Variants in SMARCA5 observed in about 807,000 individuals in gnomAD.
SMARCA5 encodes SNF2 related chromatin remodeling ATPase 5, also known as SWI/SNF-related matrix-associated actin-dependent regulator of chromatin subfamily A member 5.
Under a neutral mutation model 140.4 loss-of-function variants are expected in SMARCA5, and 18 were observed. That is an observed-to-expected ratio of 0.13 (90% CI 0.09 to 0.19). The LOEUF is 0.19. SMARCA5 is among the 10% of genes least tolerant of loss of function. The pLI is 1.00. For synonymous variants in SMARCA5, 449 were observed against 419.6 expected (o/e 1.07, Z -0.86); for missense variants, 606 against 1,276.8 (o/e 0.47, Z 8.01).
At chr4:143,544,545 C>T (rs1342455871) in intron 16 of SMARCA5, among the ~76,000 whole-genome samples, 192 bp from the exon 17 acceptor site, 2 of 152,186 alleles carry the variant, frequency 1.3e-5, no homozygotes, top group African/African-American at 4.8e-5. Flanking sequence ...TGAATGCTTA[C>T]TCTGTTGACT....
At chr4:143,518,162 CA>C (rs1234071066) in intron 2 of SMARCA5, among the ~76,000 whole-genome samples, 1 of 152,002 alleles carries the variant, frequency 6.6e-6, no homozygotes, top group African/African-American at 2.4e-5. Flanking sequence ...GGGGTCTTTA[CA>C]AAAAGAACAT....
chr4:143,551,833 A>C (rs1254268332), intron 23 of SMARCA5, among the ~76,000 whole-genome samples: 1 of 152,166 alleles, frequency 6.6e-6, no homozygotes, highest in Non-Finnish European at 1.5e-5. Flanking sequence ...CTATAAGTTA[A>C]GTCAGGTAAT....
Position 143,555,306 on chromosome 4 carries a change from C to T in SMARCA5, c.*2122C>T, listed in dbSNP as rs1737724948. 1.2e-5 allele frequency: 9 copies of T among 763,526 alleles called. No individual in the cohort carries two copies. The South Asian group carries it at 1.2e-4, about 10-fold the overall frequency. The allele number at this position is 763,526 out of a possible 1,614,324, so 47.3% of individuals were successfully genotyped here. On this transcript the variant is annotated 3_prime_UTR_variant, in exon 24 of 24. Transcript: ENST00000283131. Reference sequence around the variant, plus strand: ...CCAAAATCATTGTAGCTTTTACCACCTCCAAAATTGCTTCAATCATTACCA... The same window carrying T: ...CCAAAATCATTGTAGCTTTTACCACTTCCAAAATTGCTTCAATCATTACCA...
At chr4:143,534,830 C>T (rs377029240) in intron 9 of SMARCA5, 25 bp from the exon 10 acceptor site, 2 of 1,524,084 alleles carry the variant, frequency 1.3e-6, no homozygotes, top group Non-Finnish European at 1.8e-6. Context: ...ATTGGTATTA[C>T]CTGTTTATTT....
rs77341671 is a variant in SMARCA5, at chr4:143,516,812, A to G, written c.178-543A>G. ...GTGACATATGAATGTCAGGATAAATATATTTGCAAGAATAACATTTATTAC... is the reference window on the plus strand; with the variant it reads ...GTGACATATGAATGTCAGGATAAATGTATTTGCAAGAATAACATTTATTAC... On this transcript the variant is annotated intron_variant, in intron 1 of 23. Coordinates refer to ENST00000283131, the MANE Select transcript of SMARCA5 (RefSeq NM_003601.4). 1.2e-4 allele frequency among the ~76,000 whole-genome samples: 19 copies of G among 152,316 alleles called. No individual in the cohort carries two copies. In the East Asian group the frequency reaches 2.7e-3, roughly 22 times the overall value.
chr4:143,549,242 A>G (rs1204913031), intron 22 of SMARCA5, among the ~76,000 whole-genome samples: 2 of 151,986 alleles, frequency 1.3e-5, no homozygotes, highest in Non-Finnish European at 2.9e-5. Flanking sequence ...TCTATATACT[A>G]TTTCTAAGTC....
intron 12 of SMARCA5, 30 bp from the exon 13 acceptor site, chr4:143,538,756 T>TA (rs754094284): frequency 6.2e-7 from 1 of 1,613,100 alleles, no homozygotes; most frequent in Admixed American, 1.7e-5. Context: ...TCAGATAAAT[T>TA]TTTTGACAAC....
rs370281307 is a variant in SMARCA5, at chr4:143,553,199, C to T, written c.*15C>T. 2.2e-5 allele frequency: 35 copies of T among 1,585,870 alleles called. 1 individual carries two copies. Among genetic ancestry groups the T allele is most frequent in the Non-Finnish European group, 2.9e-5 (34 of 1,154,714 alleles). ...TGAAACTATGAATATGTTTTTGTTTCATAATCACTAACTTTAAACCAGTAG... is the reference window on the plus strand; with the variant it reads ...TGAAACTATGAATATGTTTTTGTTTTATAATCACTAACTTTAAACCAGTAG... On this transcript the variant is annotated 3_prime_UTR_variant, in exon 24 of 24. Coordinates refer to ENST00000283131, the MANE Select transcript of SMARCA5 (RefSeq NM_003601.4).
chr4:143,530,936 G>A (rs192293793), intron 9 of SMARCA5, among the ~76,000 whole-genome samples: 2 of 152,078 alleles, frequency 1.3e-5, no homozygotes, highest in Non-Finnish European at 2.9e-5. Flanking sequence ...CCCATTCAGC[G>A]TCTAGAGTAG....
At chr4:143,527,453 A>G (rs955266800) in intron 6 of SMARCA5, among the ~76,000 whole-genome samples, 1 of 152,208 alleles carries the variant, frequency 6.6e-6, no homozygotes, top group African/African-American at 2.4e-5. Context: ...TAATACTATT[A>G]GGAATGTGTT....
rs1350817023 is a variant in SMARCA5, at chr4:143,553,707, G to A, written c.*523G>A. On this transcript the variant is annotated 3_prime_UTR_variant, in exon 24 of 24. Transcript: ENST00000283131. ...TGGGTAGAATGGGAAAAGAAGGCAA[G>A]ACAAAGTATACTTAAATTCTATGCA... 1 of 152,242 alleles carries A rather than the reference G, an allele frequency of 6.6e-6. No homozygotes were observed. Among genetic ancestry groups the A allele is most frequent in the African/African-American group, 2.4e-5 (1 of 41,442 alleles). 9.4% of individuals were successfully genotyped at this position (152,242 alleles called of 1,614,324 possible). A position where few individuals can be genotyped will look rare whatever the true frequency, so the allele number is the denominator to read the frequency against.
intron 9 of SMARCA5, among the ~76,000 whole-genome samples, chr4:143,532,641 ATTAG>A (rs1737213917): frequency 6.6e-6 from 1 of 152,134 alleles, no homozygotes. Flanking sequence ...TATTTGATGT[ATTAG>A]TTATCTAATG....
rs762802244 is a variant in SMARCA5 at position 143,525,410 on chromosome 4, C to T, written c.521-41C>T. On this transcript the variant is annotated intron_variant, in intron 4 of 23. Coordinates refer to ENST00000283131, the MANE Select transcript of SMARCA5 (RefSeq NM_003601.4). ...TAGATGAAGAGATTGCCTTGTATTTCTTGTCTTAAAATGCCTATTGTGCTT... is the reference window on the plus strand; with the variant it reads ...TAGATGAAGAGATTGCCTTGTATTTTTTGTCTTAAAATGCCTATTGTGCTT... 14 of 1,221,406 alleles carry T rather than the reference C, an allele frequency of 1.1e-5. No individual in the cohort carries two copies. The South Asian group carries it at 1.6e-4, about 14-fold the overall frequency. 75.7% of individuals were successfully genotyped at this position (1,221,406 alleles called of 1,614,324 possible).
intron 9 of SMARCA5, among the ~76,000 whole-genome samples, chr4:143,532,650 C>T (rs1004730456): frequency 2.0e-5 from 3 of 152,224 alleles, no homozygotes; most frequent in East Asian, 3.9e-4. Context: ...TATTAGTTAT[C>T]TAATGCTGCA....
intron 22 of SMARCA5, 119 bp from the exon 23 acceptor site, chr4:143,549,878 A>T: frequency 6.6e-5 from 34 of 514,112 alleles, no homozygotes; most frequent in East Asian, 1.6e-4. Flanking sequence ...TTTTTTTTTT[A>T]AATCAGGGGT....
Position 143,536,493 on chromosome 4 carries a change from C to T in SMARCA5, c.1310C>T (p.Ser437Leu), listed in dbSNP as rs768754123. The stretch of plus-strand genomic sequence containing the variant: ...ATGAAGGATATAGATATACTCAACT[C>T]AGCAGGCAAGATGGACAAAATGAGG... ...ILMKDIDILN[S>L]AGKMDKMRLL... The change falls in exon 11 of 24, where the codon TCA (serine) becomes TTA (leucine). Residue 437 changes from serine (S) to leucine (L), a missense_variant. Ser to Leu is a moderately radical substitution (Grantham distance 145). Coordinates refer to ENST00000283131, the MANE Select transcript of SMARCA5 (RefSeq NM_003601.4). 1 of 1,613,702 alleles carries T rather than the reference C, an allele frequency of 6.2e-7. No individual in the cohort carries two copies. Among genetic ancestry groups the T allele is most frequent in the Non-Finnish European group, 8.5e-7 (1 of 1,179,696 alleles).
At chr4:143,524,636 C>T (rs6857360) in intron 4 of SMARCA5, among the ~76,000 whole-genome samples, 169 bp downstream of exon 4, 70,395 of 151,926 alleles carry the variant, frequency 0.46, 16,648 homozygotes, top group East Asian at 0.74. Flanking sequence ...GAGCATATTA[C>T]AGGATAGTAG....
In SMARCA5 at chr4:143,538,808, A is replaced by G. The variant is rs781022174; in HGVS notation, c.1640A>G (p.Glu547Gly). Residue 547 changes from glutamate (E) to glycine (G), a missense_variant, in exon 13 of 24, where the codon GAA (glutamate) becomes GGA (glycine). By Grantham distance (98) the Glu-to-Gly change is moderately conservative. Around this residue, in one of 10 missense-constraint regions of SMARCA5, gnomAD observed 68 missense variants for 126.9 expected, o/e 0.54. Coordinates refer to ENST00000283131, the MANE Select transcript of SMARCA5 (RefSeq NM_003601.4). ...ERQDSINAYN[E>G]PNSTKFVFML... ...TAGGACTCCATCAATGCATACAATG[A>G]ACCAAACAGCACAAAGTTTGTTTTC... is the stretch of plus-strand genomic sequence containing the variant. The G allele has an allele frequency of 7.4e-6, 12 of 1,614,108 alleles. No homozygotes were observed. The South Asian group carries it at 1.2e-4, about 16-fold the overall frequency.
intron 2 of SMARCA5, among the ~76,000 whole-genome samples, chr4:143,518,851 C>G (rs1208491093): frequency 1.3e-5 from 2 of 151,828 alleles, no homozygotes; most frequent in African/African-American, 4.8e-5. Flanking sequence ...ACTGCTTTAA[C>G]CCTTTATAGT....
Sources: allele counts gnomAD v4.1 joint callset (sites outside exome capture counted in the v4.1 genomes callset), GRCh38; gene constraint gnomAD v4.1.1; regional missense constraint gnomAD v4.1.1; transcripts MANE v1.5; gene names NCBI Gene and HGNC (gene_info 2026-07-23, HGNC 2026-07-21).